Variants in ULK4 observed in about 807,000 individuals in gnomAD.
The protein encoded by ULK4 is inactive serine/threonine-protein kinase ULK4.
ULK4 carries 133 observed loss-of-function variants against 160.6 expected under a neutral mutation model. The ratio of observed to expected loss-of-function variants is 0.83; its 90% CI spans 0.72 to 0.96. ULK4 has a LOEUF of 0.96. ULK4 is among the 40% of genes least tolerant of loss of function. ULK4 has a pLI of 0.00. For synonymous variants in ULK4, 534 were observed against 539.8 expected, an observed-to-expected ratio of 0.99 and a Z score of 0.15; for missense variants, 1,580 against 1,499.5, an observed-to-expected ratio of 1.05 and a Z score of -0.89.
chr3:41,553,503 T>C (rs1178740673), intron 32 of ULK4, among the ~76,000 whole-genome samples: 2 of 152,092 alleles, frequency 1.3e-5, no homozygotes, highest in Non-Finnish European at 2.9e-5. Flanking sequence ...TTAACATCAC[T>C]AATGATTAGG....
intron 32 of ULK4, among the ~76,000 whole-genome samples, chr3:41,539,882 T>C (rs2086634773): frequency 6.6e-6 from 1 of 152,068 alleles, no homozygotes; most frequent in Non-Finnish European, 1.5e-5. Context: ...GTCATCTCAC[T>C]TTTAGGCATC....
At chr3:41,891,370 G>A (rs1320166789) in intron 16 of ULK4, among the ~76,000 whole-genome samples, 1 of 148,914 alleles carries the variant, frequency 6.7e-6, no homozygotes, top group Non-Finnish European at 1.5e-5. Flanking sequence ...AGGGAGGCAG[G>A]CAGGCAGGCA....
intron 22 of ULK4, among the ~76,000 whole-genome samples, chr3:41,749,354 G>A (rs2038536744): frequency 6.6e-6 from 1 of 152,044 alleles, no homozygotes; most frequent in African/African-American, 2.4e-5. Context: ...ATGGCGGCAT[G>A]CACCTGTAAT....
At chr3:41,802,663 T>C (rs545511667) in intron 19 of ULK4, among the ~76,000 whole-genome samples, 2 of 152,188 alleles carry the variant, frequency 1.3e-5, no homozygotes, top group Admixed American at 1.3e-4. Flanking sequence ...TATGTAGACA[T>C]AAAATGTATG....
At chr3:41,279,254 G>GAAAAAAAAAAAAAA (rs2079295716) in intron 35 of ULK4, among the ~76,000 whole-genome samples, 1 of 54,186 alleles carries the variant, frequency 1.8e-5, no homozygotes, top group Non-Finnish European at 3.2e-5. Context: ...GAAAAAAAGA[G>GAAAAAAAAAAAAAA]TAAAAAAAAA....
intron 32 of ULK4, among the ~76,000 whole-genome samples, chr3:41,506,767 A>AAAAAAAAAAAAAAATATATAT: frequency 1.1e-4 from 6 of 56,792 alleles, no homozygotes; most frequent in African/African-American, 4.9e-4. Context: ...TGTGATTTAA[A>AAAAAAAAAAAAAAATATATAT]ATATATATAT....
intron 8 of ULK4, chr3:41,915,250 AC>A (rs1358743931): frequency 2.6e-5 from 4 of 152,260 alleles, no homozygotes; most frequent in African/African-American, 9.6e-5. Flanking sequence ...TACAGCTTAT[AC>A]AAAAATCAGC....
intron 32 of ULK4, among the ~76,000 whole-genome samples, chr3:41,556,848 G>A (rs1378969403): frequency 1.3e-5 from 2 of 150,720 alleles, no homozygotes; most frequent in Admixed American, 1.3e-4. Flanking sequence ...ACAGAAAGAG[G>A]AAAAAAAAAT....
intron 27 of ULK4, among the ~76,000 whole-genome samples, chr3:41,698,662 T>C (rs2036576343): frequency 6.6e-6 from 1 of 152,194 alleles, no homozygotes; most frequent in African/African-American, 2.4e-5. Flanking sequence ...CCTTTTTTCA[T>C]ATTTATGTAA....
At chr3:41,649,786 A>G (rs1341783060) in intron 30 of ULK4, among the ~76,000 whole-genome samples, 1 of 152,240 alleles carries the variant, frequency 6.6e-6, no homozygotes, top group Admixed American at 6.5e-5. Context: ...TCCTGGGCAG[A>G]AGAGGGAGGA....
chr3:41,739,564 C>T (rs2038173462), intron 22 of ULK4, among the ~76,000 whole-genome samples: 1 of 151,830 alleles, frequency 6.6e-6, no homozygotes, highest in Non-Finnish European at 1.5e-5. Flanking sequence ...GTAGGATGGT[C>T]AGGAACTCAG....
intron 31 of ULK4, 71 bp downstream of exon 31, chr3:41,615,598 C>T: frequency 2.7e-6 from 4 of 1,506,192 alleles, no homozygotes; most frequent in South Asian, 1.2e-5. Context: ...CAACACAGTC[C>T]TACAACATGG....
At chr3:41,594,115 G>T (rs1346569959) in intron 31 of ULK4, among the ~76,000 whole-genome samples, 1 of 152,132 alleles carries the variant, frequency 6.6e-6, no homozygotes, top group Non-Finnish European at 1.5e-5. Flanking sequence ...TATTTTTAAA[G>T]GCAGTAAATT....
chr3:41,296,325 AAAAGGGCTCCTGG>A (rs1381586176), intron 35 of ULK4, among the ~76,000 whole-genome samples: 1 of 152,224 alleles, frequency 6.6e-6, no homozygotes, highest in Non-Finnish European at 1.5e-5. Flanking sequence ...AAAGAAAAGA[AAAAGGGCTCCTGG>A]AAGGTACTGA....
rs187532290 is a variant in ULK4, at chr3:41,799,001, T to C, written c.2010+1131A>G. Among the ~76,000 whole-genome samples, 294 of 152,280 alleles carry C rather than the reference T, an allele frequency of 1.9e-3. 1 individual carries two copies. The highest frequency in any genetic ancestry group is 0.01 in the Middle Eastern group (3 of 292). On this transcript the variant is annotated intron_variant, in intron 20 of 36. Transcript: ENST00000301831. ...GTGCAGGTAAATAGGTCTACTTATA[T>C]GGCAGAAAGCAGTTGGGATAGTTCT...
chr3:41,783,762 A>C (rs1469778542), intron 21 of ULK4, among the ~76,000 whole-genome samples: 1 of 152,196 alleles, frequency 6.6e-6, no homozygotes, highest in Non-Finnish European at 1.5e-5. Flanking sequence ...GACTACTTTA[A>C]GTTTTTAGGT....
intron 35 of ULK4, among the ~76,000 whole-genome samples, chr3:41,251,464 T>G (rs555935283): frequency 7.9e-5 from 12 of 152,200 alleles, no homozygotes; most frequent in Middle Eastern, 3.4e-3. Flanking sequence ...AACAGGTAAA[T>G]AGGAGAGGAC....
intron 35 of ULK4, among the ~76,000 whole-genome samples, chr3:41,292,966 T>TA (rs2079600279): frequency 1.3e-5 from 2 of 150,490 alleles, no homozygotes; most frequent in South Asian, 4.2e-4. Flanking sequence ...AAATAAAAAA[T>TA]AAAAAATTAG....
chr3:41,301,130 T>C (rs2079788061), intron 35 of ULK4, among the ~76,000 whole-genome samples: 1 of 151,872 alleles, frequency 6.6e-6, no homozygotes, highest in African/African-American at 2.4e-5. Context: ...TTCTGAATCA[T>C]TTATTGCCTG....
Sources: gnomAD v4.1 joint callset for allele counts (sites outside exome capture counted in the v4.1 genomes callset) on GRCh38, gnomAD v4.1.1 for gene constraint, MANE v1.5 for transcripts, NCBI Gene and HGNC (gene_info 2026-07-23, HGNC 2026-07-21) for gene names.